Variants in SH3GL2 observed in about 807,000 individuals in gnomAD.
The protein encoded by SH3GL2 is endophilin-A1.
SH3GL2 carries 24 observed loss-of-function variants against 46.0 expected under a neutral mutation model. The observed-to-expected ratio is 0.52, with a 90% CI of 0.38 to 0.73. The LOEUF is 0.73. SH3GL2 is among the 30% of genes least tolerant of loss of function. The pLI is 0.00. For synonymous variants in SH3GL2, 196 were observed against 147.1 expected, an observed-to-expected ratio of 1.33 and a Z score of -2.40; for missense variants, 413 against 424.2, an observed-to-expected ratio of 0.97 and a Z score of 0.23.
chr9:17,696,561 CCTT>C (rs949717919), intron 1 of SH3GL2, among the ~76,000 whole-genome samples: 1 of 152,068 alleles, frequency 6.6e-6, no homozygotes, highest in African/African-American at 2.4e-5. Context: ...AAGAAAGGCA[CCTT>C]CTTCACAGGG....
intron 1 of SH3GL2, among the ~76,000 whole-genome samples, chr9:17,648,430 C>A (rs918374701): frequency 2.0e-5 from 3 of 152,162 alleles, no homozygotes; most frequent in Non-Finnish European, 4.4e-5. Context: ...CCAAATCTTA[C>A]AGATCTTCAA....
chr9:17,666,105 C>CTAAT (rs977538364), intron 1 of SH3GL2, among the ~76,000 whole-genome samples: 1 of 151,586 alleles, frequency 6.6e-6, no homozygotes, highest in Non-Finnish European at 1.5e-5. Flanking sequence ...AAAAAGTAAC[C>CTAAT]TAATGACTAG....
chr9:17,662,031 T>C (rs1253028529), intron 1 of SH3GL2, among the ~76,000 whole-genome samples: 4 of 152,202 alleles, frequency 2.6e-5, no homozygotes, highest in African/African-American at 7.2e-5. Flanking sequence ...TTTTACTCTT[T>C]TAAATTTGTT....
chr9:17,589,593 C>T (rs1031175164), intron 1 of SH3GL2: 1 of 152,280 alleles, frequency 6.6e-6, no homozygotes, highest in African/African-American at 2.4e-5. Context: ...TAGTCTCTGA[C>T]AGTGTGGCAG....
intron 1 of SH3GL2, among the ~76,000 whole-genome samples, chr9:17,723,228 GT>G (rs997351416): frequency 1.3e-5 from 2 of 151,878 alleles, no homozygotes; most frequent in African/African-American, 4.8e-5. Context: ...TTTTATATTA[GT>G]GTGCATGGAG....
chr9:17,685,109 C>T (rs1820869152), intron 1 of SH3GL2, among the ~76,000 whole-genome samples: 1 of 151,910 alleles, frequency 6.6e-6, no homozygotes, highest in African/African-American at 2.4e-5. Context: ...AGAAACAGAA[C>T]CAGTGGAATG....
intron 1 of SH3GL2, among the ~76,000 whole-genome samples, chr9:17,588,274 A>G (rs1818417535): frequency 6.6e-6 from 1 of 152,184 alleles, no homozygotes; most frequent in South Asian, 2.1e-4. Context: ...TGGTAGACAG[A>G]ATGCTACGAT....
chr9:17,698,833 CTAAAGA>C (rs1821273104), intron 1 of SH3GL2, among the ~76,000 whole-genome samples: 1 of 152,012 alleles, frequency 6.6e-6, no homozygotes, highest in Non-Finnish European at 1.5e-5. Context: ...TGTTCTTTCC[CTAAAGA>C]TAGAGAATAT....
intron 1 of SH3GL2, among the ~76,000 whole-genome samples, chr9:17,623,039 T>TCCCTTCC (rs1249314899): frequency 2.4e-5 from 2 of 84,224 alleles, no homozygotes; most frequent in African/African-American, 1.4e-4. Flanking sequence ...TCCTTTCCTT[T>TCCCTTCC]CCTTCCCCTT....
At chr9:17,618,659 T>A (rs2038520) in intron 1 of SH3GL2, among the ~76,000 whole-genome samples, 65,027 of 151,968 alleles carry the variant, frequency 0.43, 14,181 homozygotes, top group East Asian at 0.63. Context: ...GGGGCTTTAT[T>A]TAGTAAATAT....
chr9:17,585,317 G>C (rs1457522476), intron 1 of SH3GL2, among the ~76,000 whole-genome samples: 2 of 152,184 alleles, frequency 1.3e-5, no homozygotes, highest in Non-Finnish European at 2.9e-5. Context: ...CTAGAGATGA[G>C]CAATTCTTCT....
intron 1 of SH3GL2, among the ~76,000 whole-genome samples, chr9:17,654,526 G>A (rs891133313): frequency 2.0e-5 from 3 of 152,174 alleles, no homozygotes; most frequent in Admixed American, 6.5e-5. Flanking sequence ...CAATATGCCT[G>A]TCAGTAAGAC....
intron 1 of SH3GL2, among the ~76,000 whole-genome samples, chr9:17,638,616 A>T (rs951211127): frequency 2.6e-4 from 40 of 152,134 alleles, no homozygotes; most frequent in Non-Finnish European, 4.3e-4. Context: ...TGCCACCAGT[A>T]CTCTCCTCTT....
rs1224228051 is a variant in SH3GL2 at position 17,795,762 on chromosome 9, T to C, written c.*19T>C. 3 of 1,598,978 alleles carry C rather than the reference T, an allele frequency of 1.9e-6. No homozygotes were observed. Among genetic ancestry groups the C allele is most frequent in the Admixed American group, 1.7e-5 (1 of 59,814 alleles). On this transcript the variant is annotated 3_prime_UTR_variant, in exon 9 of 9. Transcript: ENST00000380607. ...CCATTAGGATGTTATGCTGGCTGGC[T>C]CGCCTCCTCTTGACCCAGATAGTTA... is the stretch of plus-strand genomic sequence containing the variant.
chr9:17,752,624 A>G (rs987104407), intron 2 of SH3GL2, among the ~76,000 whole-genome samples: 6 of 152,106 alleles, frequency 3.9e-5, no homozygotes, highest in African/African-American at 1.2e-4. Flanking sequence ...CAGCCTCTCA[A>G]GTAGCTAGGA....
chr9:17,780,793 C>T (rs1381129116), intron 3 of SH3GL2, among the ~76,000 whole-genome samples: 1 of 22,442 alleles, frequency 4.5e-5, no homozygotes, highest in Admixed American at 4.7e-4. Flanking sequence ...ATCCATGTCC[C>T]TACAAAGGAC....
intron 3 of SH3GL2, among the ~76,000 whole-genome samples, chr9:17,770,253 G>T (rs1000153837): frequency 3.3e-5 from 5 of 152,312 alleles, no homozygotes; most frequent in African/African-American, 1.2e-4. Flanking sequence ...TATATACATA[G>T]ATAATAGTTG....
chr9:17,761,825 A>G (rs1161402539), intron 3 of SH3GL2, among the ~76,000 whole-genome samples: 1 of 152,184 alleles, frequency 6.6e-6, no homozygotes, highest in African/African-American at 2.4e-5. Context: ...CTTTCAAGAG[A>G]TGGTAAGAAG....
chr9:17,769,983 C>T (rs1002117645), intron 3 of SH3GL2, among the ~76,000 whole-genome samples: 6 of 152,112 alleles, frequency 3.9e-5, no homozygotes, highest in Admixed American at 6.5e-5. Context: ...TTGGTGCTAG[C>T]GATTGATTAA....
Sources: gnomAD v4.1 joint callset for allele counts (sites outside exome capture counted in the v4.1 genomes callset) on GRCh38, gnomAD v4.1.1 for gene constraint, MANE v1.5 for transcripts, NCBI Gene and HGNC (gene_info 2026-07-23, HGNC 2026-07-21) for gene names.